The following PRH1 variants were observed in gnomAD, a reference collection of about 807,000 sequenced individuals.
PRH1 encodes salivary acidic proline-rich phosphoprotein 1/2.
Under a neutral mutation model 7.9 loss-of-function variants are expected in PRH1, and 7 were observed. That is an observed-to-expected ratio of 0.89 (90% CI 0.50 to 1.67). The LOEUF (loss-of-function observed/expected upper bound fraction) is 1.67. Among genes scored for constraint, PRH1 ranks in the 40% most tolerant of loss-of-function variants. The pLI is 0.00. For synonymous variants in PRH1, 45 were observed against 80.8 expected (o/e 0.56, Z 2.38); for missense variants, 109 against 223.6 (o/e 0.49, Z 3.27).
intron 1 of PRH1, among the ~76,000 whole-genome samples, chr12:11,127,759 TTAAC>T (rs745349816): frequency 1.3e-5 from 2 of 152,284 alleles, no homozygotes; most frequent in Non-Finnish European, 2.9e-5. Context: ...GCTTAGGCCT[TTAAC>T]TAAGTTATTC....
intron 1 of PRH1, among the ~76,000 whole-genome samples, chr12:11,028,902 G>T (rs12315036): frequency 0.026 from 3,906 of 152,302 alleles, 17 homozygotes; most frequent in Non-Finnish European, 0.038. Context: ...TGGAACAGGG[G>T]AATTCATGCA....
chr12:10,945,637 G>T (rs1385396899), intron 2 of PRH1, among the ~76,000 whole-genome samples: 1 of 152,194 alleles, frequency 6.6e-6, no homozygotes, highest in Non-Finnish European at 1.5e-5. Flanking sequence ...TTTCGGGCAT[G>T]AATTGTCATG....
chr12:10,988,567 T>C (rs1402952676), intron 1 of PRH1, among the ~76,000 whole-genome samples: 1 of 152,148 alleles, frequency 6.6e-6, no homozygotes, highest in East Asian at 1.9e-4. Context: ...ATATTCTTTA[T>C]GGAGCATTTT....
intron 1 of PRH1, among the ~76,000 whole-genome samples, chr12:11,154,853 AG>A (rs1052584628): frequency 1.3e-5 from 2 of 152,308 alleles, no homozygotes; most frequent in African/African-American, 4.8e-5. Context: ...TTCAGGAAAG[AG>A]GATCAGAGAC....
At chr12:11,171,362 C>A (rs1273680564) in intron 1 of PRH1, 2 of 1,231,628 alleles carry the variant, frequency 1.6e-6, no homozygotes, top group Non-Finnish European at 1.0e-6. Context: ...GGCTCATGGC[C>A]CCCGCGGCGG....
chr12:11,030,811 T>C, intron 1 of PRH1: 4 of 1,614,202 alleles, frequency 2.5e-6, no homozygotes, highest in Non-Finnish European at 3.4e-6. Context: ...CAGTCGCATC[T>C]GAAAGGTACA....
chr12:10,889,953 C>T (rs1442330535), intron 2 of PRH1, among the ~76,000 whole-genome samples: 2 of 152,170 alleles, frequency 1.3e-5, no homozygotes, highest in African/African-American at 4.8e-5. Context: ...ATGGGTACAA[C>T]AGCTCCTGTA....
At chr12:10,981,783 G>A (rs1435881887) in intron 1 of PRH1, among the ~76,000 whole-genome samples, 12 of 151,714 alleles carry the variant, frequency 7.9e-5, no homozygotes, top group Admixed American at 5.3e-4. Flanking sequence ...CTGCAAACTC[G>A]AATTCCTGGG....
chr12:10,962,842 T>C (rs1591734223), intron 2 of PRH1, among the ~76,000 whole-genome samples: 1 of 152,222 alleles, frequency 6.6e-6, no homozygotes, highest in Non-Finnish European at 1.5e-5. Flanking sequence ...CGATCTCGGC[T>C]CACTGCAAGC....
At chr12:11,156,989 G>A in intron 1 of PRH1, among the ~76,000 whole-genome samples, 1 of 151,850 alleles carries the variant, frequency 6.6e-6, no homozygotes, top group East Asian at 1.9e-4. Context: ...GGGTCTATAG[G>A]CACCCGCCAC....
chr12:11,071,438 G>C (rs1591949863), intron 1 of PRH1, among the ~76,000 whole-genome samples: 1 of 152,328 alleles, frequency 6.6e-6, no homozygotes, highest in East Asian at 1.9e-4. Context: ...ACTTCAGATA[G>C]TTTGGCTGAA....
chr12:10,981,755 T>C (rs1939366369), intron 1 of PRH1, among the ~76,000 whole-genome samples: 1 of 152,062 alleles, frequency 6.6e-6, no homozygotes, highest in South Asian at 2.1e-4. Flanking sequence ...TGGAGTGCAA[T>C]GACACCATCA....
At chr12:10,957,590 T>C (rs890790328) in intron 2 of PRH1, among the ~76,000 whole-genome samples, 3 of 152,112 alleles carry the variant, frequency 2.0e-5, no homozygotes, top group Admixed American at 1.3e-4. Context: ...ACTGAAGAGC[T>C]TCTGCACAAG....
intron 1 of PRH1, among the ~76,000 whole-genome samples, chr12:11,035,116 A>G (rs1008100541): frequency 2.0e-5 from 3 of 151,476 alleles, no homozygotes; most frequent in African/African-American, 4.9e-5. Flanking sequence ...CAGGTTTTCT[A>G]TTGGTCTTTG....
intron 2 of PRH1, among the ~76,000 whole-genome samples, chr12:10,952,347 G>A (rs376890681): frequency 1.1e-4 from 17 of 152,342 alleles, no homozygotes; most frequent in Middle Eastern, 3.4e-3. Flanking sequence ...AGCACAAGGC[G>A]AGTCTTTACG....
chr12:10,996,881 T>G lies in PRH1; in HGVS notation c.-125-23160A>C. On this transcript the variant is annotated intron_variant, in intron 1 of 3. Coordinates refer to the PRH1 transcript ENST00000539853. Reference sequence around the variant, plus strand: ...ACTACGGAAAAACTTGTGGGAAATATAAAATGTTCCAGACACCATCAATTT... The same window carrying G: ...ACTACGGAAAAACTTGTGGGAAATAGAAAATGTTCCAGACACCATCAATTT... The G allele has an allele frequency of 1.4e-6, 2 of 1,454,238 alleles. 1 individual carries two copies. The highest frequency in any genetic ancestry group is 3.1e-5 in the South Asian group (2 of 64,216). 90.1% of individuals were successfully genotyped at this position (1,454,238 alleles called of 1,614,324 possible). A position where few individuals can be genotyped will look rare whatever the true frequency, so the allele number is the denominator to read the frequency against.
chr12:11,160,548 G>A (rs1232267908), intron 1 of PRH1, among the ~76,000 whole-genome samples: 2 of 152,112 alleles, frequency 1.3e-5, no homozygotes, highest in Non-Finnish European at 2.9e-5. Flanking sequence ...TCAGCTCACT[G>A]CAACCTCCGC....
upstream of PRH1, chr12:10,884,307 T>G (rs1460255657): frequency 6.4e-7 from 1 of 1,562,306 alleles, no homozygotes; most frequent in Non-Finnish European, 8.8e-7. Flanking sequence ...AATGGTGCAT[T>G]TGAGCTCCCT....
intron 1 of PRH1, among the ~76,000 whole-genome samples, chr12:11,130,471 C>T (rs1479604670): frequency 1.3e-5 from 2 of 152,246 alleles, no homozygotes; most frequent in East Asian, 3.9e-4. Flanking sequence ...GAGAATATTG[C>T]TCTGACTCAC....
Sources: allele counts gnomAD v4.1 joint callset (sites outside exome capture counted in the v4.1 genomes callset), GRCh38; gene constraint gnomAD v4.1.1; transcripts MANE v1.5; gene names NCBI Gene and HGNC (gene_info 2026-07-23, HGNC 2026-07-21).